The following CDH7 variants were observed in gnomAD, a reference collection of about 807,000 sequenced individuals.
CDH7 encodes cadherin 7.
A neutral mutation model predicts 71.8 loss-of-function variants in CDH7; 25 were observed. That is an observed-to-expected ratio of 0.35 (90% CI 0.25 to 0.49). CDH7 has a LOEUF of 0.49. Among genes scored for constraint, CDH7 ranks in the 20% least tolerant of loss-of-function variants. The pLI, the probability that CDH7 is intolerant of heterozygous loss-of-function variation, is 0.99. For missense variants in CDH7, 862 were observed against 974.6 expected, an observed-to-expected ratio of 0.88 and a Z score of 1.54; for synonymous variants, 381 against 363.8, an observed-to-expected ratio of 1.05 and a Z score of -0.54.
chr18:65,836,171 A>T (rs1912526246), intron 6 of CDH7, among the ~76,000 whole-genome samples: 1 of 152,188 alleles, frequency 6.6e-6, no homozygotes, highest in Admixed American at 6.5e-5. Context: ...GACCTCCAAA[A>T]CTATAAAGCA....
At position 65,886,411 on chromosome 18, in the gene CDH7, A is replaced by T. The variant is rs1167653058; in HGVS notation, c.*5517A>T. 1 of 16,046 alleles carries T rather than the reference A, an allele frequency of 6.2e-5. No homozygotes were observed. Among genetic ancestry groups the T allele is most frequent in the African/African-American group, 6.7e-5 (1 of 15,006 alleles). 1.0% of individuals were successfully genotyped at this position (16,046 alleles called of 1,614,324 possible). On this transcript the variant is annotated 3_prime_UTR_variant, in exon 12 of 12. Transcript: ENST00000397968. ...TAATTAATTGAAGCCACTCAAATACAGTTATTTATAAGATCTCAGAAGATT... is the reference window on the plus strand; with the variant it reads ...TAATTAATTGAAGCCACTCAAATACTGTTATTTATAAGATCTCAGAAGATT...
rs573595267 is a variant in CDH7 at position 65,884,925 on chromosome 18, T to G, written c.*4031T>G. 97 of 152,338 alleles carry G rather than the reference T, an allele frequency of 6.4e-4. 1 individual carries two copies. The highest frequency in any genetic ancestry group is 3.4e-3 in the Middle Eastern group (1 of 294). The allele number at this position is 152,338 out of a possible 1,614,324, so 9.4% of individuals were successfully genotyped here. On this transcript the variant is annotated 3_prime_UTR_variant, in exon 12 of 12. Transcript: ENST00000397968. Reference sequence around the variant, plus strand: ...TGAAGTTGATGAAAGCTTCAACTTATTTTTTAACTCTTTCTGGTCCACGAT... The same window carrying G: ...TGAAGTTGATGAAAGCTTCAACTTAGTTTTTAACTCTTTCTGGTCCACGAT...
intron 2 of CDH7, chr18:65,803,816 A>T (rs537308096): frequency 6.6e-6 from 1 of 150,748 alleles, no homozygotes; most frequent in African/African-American, 2.4e-5. Context: ...ATACACTTTT[A>T]TTCTTTAAAA....
intron 2 of CDH7, among the ~76,000 whole-genome samples, chr18:65,772,446 TTTAGGTGG>T (rs747898230): frequency 6.6e-6 from 1 of 152,152 alleles, no homozygotes; most frequent in Non-Finnish European, 1.5e-5. Flanking sequence ...AAGAGCTGAA[TTTAGGTGG>T]TTAACTGATA....
rs1320539662 is a variant in CDH7 at position 65,790,212 on chromosome 18, C to T, written c.211-19492C>T. 7.5e-5 allele frequency among the ~76,000 whole-genome samples: 8 copies of T among 106,794 alleles called. No homozygotes were observed. The East Asian group carries it at 1.9e-3, about 25-fold the overall frequency. The allele number at this position is 106,794 out of a possible 152,430, so 70.1% of individuals were successfully genotyped here. On this transcript the variant is annotated intron_variant, in intron 2 of 11. Transcript: ENST00000397968. ...CTCCAGCCTGGGTGACAGAGTAAGA[C>T]TCTCTCTCAAAAAAAAAAAAAAAAA...
intron 1 of CDH7, among the ~76,000 whole-genome samples, chr18:65,756,503 C>A (rs1339125709): frequency 6.6e-6 from 1 of 152,198 alleles, no homozygotes; most frequent in Non-Finnish European, 1.5e-5. Context: ...GGCATAACTT[C>A]TTTAAATCAG....
intron 11 of CDH7, among the ~76,000 whole-genome samples, chr18:65,872,965 T>C (rs1438723218): frequency 6.6e-6 from 1 of 151,676 alleles, no homozygotes; most frequent in Admixed American, 6.6e-5. Flanking sequence ...AATTAAACAA[T>C]TTTTGAAATT....
chr18:65,836,275 A>AT (rs1912529639), intron 6 of CDH7, among the ~76,000 whole-genome samples: 1 of 152,164 alleles, frequency 6.6e-6, no homozygotes, highest in South Asian at 2.1e-4. Flanking sequence ...GAACATTTCT[A>AT]TGGGGGCGAA....
intron 6 of CDH7, among the ~76,000 whole-genome samples, chr18:65,838,003 C>T (rs1432558281): frequency 6.7e-6 from 1 of 149,112 alleles, no homozygotes; most frequent in East Asian, 2.0e-4. Context: ...CGGCTCACTG[C>T]AACCTCTGCC....
Position 65,824,561 on chromosome 18 carries a change from A to G in CDH7, c.794-83A>G, listed in dbSNP as rs974080. ...AAAAAATAAAAAGAAGTTGTGCTAC[A>G]ATGATGCCAAAATAACCCAATATTT... On this transcript the variant is annotated intron_variant, in intron 5 of 11. Transcript: ENST00000397968. 259,360 of 868,872 alleles carry G rather than the reference A, an allele frequency of 0.3. 41,101 individuals are homozygous for G. The highest frequency in any genetic ancestry group is 0.39 in the African/African-American group (22,723 of 57,844). 53.8% of individuals were successfully genotyped at this position (868,872 alleles called of 1,614,324 possible). A position where few individuals can be genotyped will look rare whatever the true frequency, so the allele number is the denominator to read the frequency against.
chr18:65,753,453 C>T (rs1915943392), intron 1 of CDH7, among the ~76,000 whole-genome samples: 1 of 152,214 alleles, frequency 6.6e-6, no homozygotes, highest in Non-Finnish European at 1.5e-5. Context: ...AGTTCTCTCT[C>T]TCTTACACAC....
At chr18:65,790,553 G>T (rs1910678108) in intron 2 of CDH7, among the ~76,000 whole-genome samples, 1 of 152,130 alleles carries the variant, frequency 6.6e-6, no homozygotes, top group South Asian at 2.1e-4. Flanking sequence ...AGTAGTCTTA[G>T]TAGTCTTTAT....
chr18:65,874,676 T>A (rs9965345), intron 11 of CDH7, among the ~76,000 whole-genome samples: 14,225 of 151,872 alleles, frequency 0.094, 1,158 homozygotes, highest in African/African-American at 0.21. Flanking sequence ...CATAAAAATT[T>A]AAAAAATTCA....
At chr18:65,805,881 A>T (rs1009064375) in intron 2 of CDH7, among the ~76,000 whole-genome samples, 2 of 151,580 alleles carry the variant, frequency 1.3e-5, no homozygotes, top group Non-Finnish European at 1.5e-5. Flanking sequence ...TAATTTGATT[A>T]TGACAGGCTA....
At chr18:65,820,917 C>T (rs1911900776) in intron 4 of CDH7, among the ~76,000 whole-genome samples, 1 of 151,768 alleles carries the variant, frequency 6.6e-6, no homozygotes, top group Non-Finnish European at 1.5e-5. Flanking sequence ...AACACACATA[C>T]TGATATTAGA....
intron 10 of CDH7, among the ~76,000 whole-genome samples, chr18:65,861,124 G>A (rs967026924): frequency 2.6e-5 from 4 of 152,108 alleles, no homozygotes; most frequent in Non-Finnish European, 4.4e-5. Flanking sequence ...TAAAATGTCA[G>A]CATTTATAGG....
intron 2 of CDH7, among the ~76,000 whole-genome samples, chr18:65,777,107 C>A (rs937454289): frequency 6.6e-6 from 1 of 152,096 alleles, no homozygotes; most frequent in East Asian, 1.9e-4. Context: ...TCTAGAAAAA[C>A]CAGAAGAAAA....
chr18:65,762,986 C>T lies in CDH7; in HGVS notation c.144C>T (p.Ser48=). Residue 48 remains serine (S), a synonymous_variant, in exon 2 of 12, where the codon AGC becomes AGT. Transcript: ENST00000397968. ...FQSGRSRTKR[S]WVWNQFFVLE... is the part of the protein sequence containing the mutation. ...CAGGGAGGTCCCGGACCAAGCGCAGCTGGGTGTGGAATCAGTTCTTTGTGC... is the reference window on the plus strand; with the variant it reads ...CAGGGAGGTCCCGGACCAAGCGCAGTTGGGTGTGGAATCAGTTCTTTGTGC... 6.2e-7 allele frequency: 1 copy of T among 1,613,660 alleles called. No individual in the cohort carries two copies. The highest frequency in any genetic ancestry group is 8.5e-7 in the Non-Finnish European group (1 of 1,179,820).
chr18:65,781,830 C>CTTTCTT (rs1910229986), intron 2 of CDH7, among the ~76,000 whole-genome samples: 1 of 81,944 alleles, frequency 1.2e-5, no homozygotes, highest in Non-Finnish European at 2.1e-5. Flanking sequence ...TTCTTTCTTT[C>CTTTCTT]TTTCTTTCTT....
Sources: allele counts gnomAD v4.1 joint callset (sites outside exome capture counted in the v4.1 genomes callset), GRCh38; gene constraint gnomAD v4.1.1; transcripts MANE v1.5; gene names NCBI Gene and HGNC (gene_info 2026-07-23, HGNC 2026-07-21).